Variants in GAREM2 observed in about 807,000 individuals in gnomAD.
The protein encoded by GAREM2 is GRB2-associated and regulator of MAPK protein 2.
A neutral mutation model predicts 55.6 loss-of-function variants in GAREM2; 30 were observed. The ratio of observed to expected loss-of-function variants is 0.54; its 90% confidence interval spans 0.40 to 0.73. The LOEUF is 0.73. Among genes scored for constraint, GAREM2 ranks in the 30% least tolerant of loss-of-function variants. The pLI is 0.00. For synonymous variants in GAREM2, 550 were observed against 569.1 expected, an observed-to-expected ratio of 0.97 and a Z score of 0.48; for missense variants, 1,075 against 1,257.7, an observed-to-expected ratio of 0.85 and a Z score of 2.20.
the GAREM2 span, among the ~76,000 whole-genome samples, chr2:26,198,417 C>T: frequency 6.6e-6 from 1 of 150,874 alleles, no homozygotes; most frequent in Non-Finnish European, 1.5e-5. Flanking sequence ...GCTCTGTTGC[C>T]CAGGCTGGAG....
chr2:26,184,390 C>CCGGGG lies in GAREM2; in HGVS notation c.545_549dup (p.Leu184GlyfsTer38). On this transcript the variant is annotated frameshift_variant, in exon 4 of 6. Transcript: ENST00000401533. LOFTEE classifies it high-confidence loss of function. ...ACCCTCCTGCGAAAGCTGGGCCGGG[C>CCGGGG]CGGGGCGCTGGCCGGGGTGGGCGGC... 6.5e-7 allele frequency: 1 copy of CCGGGG among 1,529,410 alleles called. No homozygotes were observed. Among genetic ancestry groups the CCGGGG allele is most frequent in the Non-Finnish European group, 8.8e-7 (1 of 1,136,248 alleles). 94.7% of individuals were successfully genotyped at this position (1,529,410 alleles called of 1,614,324 possible). A position where few individuals can be genotyped will look rare whatever the true frequency, so the allele number is the denominator to read the frequency against.
chr2:26,197,943 T>C, the GAREM2 span, among the ~76,000 whole-genome samples: 10 of 152,188 alleles, frequency 6.6e-5, no homozygotes, highest in Admixed American at 2.0e-4. Context: ...CTAGGGGGTT[T>C]TGTGTCGGGG....
the GAREM2 span, among the ~76,000 whole-genome samples, chr2:26,199,545 C>T: frequency 6.6e-6 from 1 of 152,080 alleles, no homozygotes; most frequent in African/African-American, 2.4e-5. Flanking sequence ...TCTTCCCTTC[C>T]TTGGACATGT....
At chr2:26,202,844 A>G in the GAREM2 span, among the ~76,000 whole-genome samples, 1 of 152,258 alleles carries the variant, frequency 6.6e-6, no homozygotes, top group South Asian at 2.1e-4. Context: ...TCAGCATTCA[A>G]AACATTATCA....
At chr2:26,201,199 C>T in the GAREM2 span, 1 of 1,614,036 alleles carries the variant, frequency 6.2e-7, no homozygotes, top group East Asian at 2.2e-5. Flanking sequence ...TCCTCAAACA[C>T]AGCTTCAATC....
the GAREM2 span, among the ~76,000 whole-genome samples, chr2:26,196,005 C>T: frequency 6.6e-6 from 1 of 152,226 alleles, no homozygotes; most frequent in Non-Finnish European, 1.5e-5. Context: ...GTTTTGCTTT[C>T]TCCCTCTCAC....
At chr2:26,174,732 A>G (rs1383945438) in intron 1 of GAREM2, among the ~76,000 whole-genome samples, 2 of 152,202 alleles carry the variant, frequency 1.3e-5, no homozygotes, top group African/African-American at 4.8e-5. Context: ...TCTGGTCAGA[A>G]TTGTATGGCT....
In GAREM2 at chr2:26,185,174, C is replaced by CCGGCCGCCCCCAGGGCT; in HGVS notation, c.1329_1345dup (p.Asp449GlyfsTer35). On this transcript the variant is annotated frameshift_variant, in exon 4 of 6. Coordinates refer to ENST00000401533, the MANE Select transcript of GAREM2 (RefSeq NM_001168241.2). LOFTEE classifies it high-confidence loss of function. Reference sequence around the variant, plus strand: ...CGCACCAGGGGCCCGAGGGCCTCGTCCGGCCGCCCCCAGGGCTCGATCTCA... The same window carrying CCGGCCGCCCCCAGGGCT: ...CGCACCAGGGGCCCGAGGGCCTCGTCCGGCCGCCCCCAGGGCTCGGCCGCCCCCAGGGCTCGATCTCA... 6.6e-7 allele frequency: 1 copy of CCGGCCGCCCCCAGGGCT among 1,508,166 alleles called. No individual in the cohort carries two copies. 93.4% of individuals were successfully genotyped at this position (1,508,166 alleles called of 1,614,324 possible). A position where few individuals can be genotyped will look rare whatever the true frequency, so the allele number is the denominator to read the frequency against.
At position 26,188,364 on chromosome 2, in the gene GAREM2, G is replaced by T. The variant is rs72849148; in HGVS notation, c.*107G>T. ...CAAGAAGGATCTATGTCGAGACTGA[G>T]GCTGCTCAGCAGCCACTGGGTGGAT... On this transcript the variant is annotated 3_prime_UTR_variant, in exon 6 of 6. Transcript: ENST00000401533. 6.8e-6 allele frequency: 6 copies of T among 886,256 alleles called. No homozygotes were observed. Among genetic ancestry groups the T allele is most frequent in the Non-Finnish European group, 9.7e-6 (6 of 615,976 alleles). 54.9% of individuals were successfully genotyped at this position (886,256 alleles called of 1,614,324 possible). A position where few individuals can be genotyped will look rare whatever the true frequency, so the allele number is the denominator to read the frequency against.
Position 26,184,216 on chromosome 2 carries a change from G to A in GAREM2, c.385-17G>A. 6.5e-7 allele frequency: 1 copy of A among 1,548,694 alleles called. No homozygotes were observed. The highest frequency in any genetic ancestry group is 8.7e-7 in the Non-Finnish European group (1 of 1,145,190). ...TGGGACCTGGCTAAGGCCCTGCCCT[G>A]TCTCTGGGATCCCCAGGTGGTGTCG... On this transcript the variant is annotated splice_polypyrimidine_tract_variant and intron_variant, in intron 3 of 5. Coordinates refer to ENST00000401533, the MANE Select transcript of GAREM2 (RefSeq NM_001168241.2).
rs974862078 is a variant in GAREM2 at position 26,188,185 on chromosome 2, T to C, written c.2553T>C (p.Asp851=). The change falls in exon 6 of 6, where the codon GAT becomes GAC. Residue 851 remains aspartate, a synonymous_variant. Coordinates refer to ENST00000401533, the MANE Select transcript of GAREM2 (RefSeq NM_001168241.2). ...FVQLSEDILA[D]DFHLTKLQVK... is the part of the protein sequence containing the mutation. ...AGCTCAGTGAGGACATCCTGGCAGATGACTTCCACCTCACCAAGCTGCAGG... is the reference window on the plus strand; with the variant it reads ...AGCTCAGTGAGGACATCCTGGCAGACGACTTCCACCTCACCAAGCTGCAGG... 3.2e-6 allele frequency: 5 copies of C among 1,545,710 alleles called. No individual in the cohort carries two copies. The highest frequency in any genetic ancestry group is 4.4e-6 in the Non-Finnish European group (5 of 1,143,546).
Position 26,185,108 on chromosome 2 carries a change from C to T in GAREM2, c.1260C>T (p.Pro420=), listed in dbSNP as rs764641979. ...VSPDWAAAPE[P]AAPPAEIPYE... ...CCGACTGGGCAGCCGCGCCCGAGCCCGCCGCGCCGCCCGCCGAGATCCCCT... is the reference window on the plus strand; with the variant it reads ...CCGACTGGGCAGCCGCGCCCGAGCCTGCCGCGCCGCCCGCCGAGATCCCCT... Residue 420 remains proline, a synonymous_variant, in exon 4 of 6, where the codon CCC becomes CCT. Transcript: ENST00000401533. 2.1e-6 allele frequency: 3 copies of T among 1,443,610 alleles called. No individual in the cohort carries two copies. The highest frequency in any genetic ancestry group is 2.7e-5 in the South Asian group (2 of 73,294). 89.4% of individuals were successfully genotyped at this position (1,443,610 alleles called of 1,614,324 possible).
chr2:26,193,714 C>T (rs764942632), downstream of GAREM2: 5 of 1,613,970 alleles, frequency 3.1e-6, no homozygotes, highest in Non-Finnish European at 4.2e-6. Flanking sequence ...TGTGGCGGCA[C>T]CCACAGGAAA....
At chr2:26,178,222 A>G (rs1558304973) in intron 2 of GAREM2, among the ~76,000 whole-genome samples, 1 of 152,200 alleles carries the variant, frequency 6.6e-6, no homozygotes, top group African/African-American at 2.4e-5. Context: ...TGCTCAAGCT[A>G]GAAATTTCCA....
intron 5 of GAREM2, among the ~76,000 whole-genome samples, chr2:26,186,875 T>G (rs1036450602): frequency 1.3e-5 from 2 of 152,114 alleles, no homozygotes; most frequent in African/African-American, 4.8e-5. Flanking sequence ...CTCGGGAAGC[T>G]GAGGCAGGAG....
At position 26,187,290 on chromosome 2, in the gene GAREM2, A is replaced by G; in HGVS notation, c.1658A>G (p.Tyr553Cys). The change falls in exon 6 of 6, where the codon TAC becomes TGC. Residue 553 changes from tyrosine (Y) to cysteine (C), a missense_variant. By Grantham distance (194) the Tyr-to-Cys change is radical. Around this residue, in one of 6 missense-constraint regions of GAREM2, gnomAD observed 515 missense variants for 501.5 expected, o/e 1.03. Transcript: ENST00000401533. ...PSPDTYSLYCYPCTWGDCKVG... is the reference protein window; with the variant it reads ...PSPDTYSLYCCPCTWGDCKVG... ...CCGGACACCTACTCCCTCTATTGCT[A>G]CCCATGCACCTGGGGAGACTGCAAG... The G allele has an allele frequency of 6.7e-7, 1 of 1,485,204 alleles. No individual in the cohort carries two copies. The highest frequency in any genetic ancestry group is 1.4e-5 in the African/African-American group (1 of 70,682). The allele number at this position is 1,485,204 out of a possible 1,614,324, so 92.0% of individuals were successfully genotyped here.
chr2:26,185,159 G>T lies in GAREM2; in HGVS notation c.1311G>T (p.Gly437=), dbSNP rs1366300384. The T allele has an allele frequency of 4.0e-6, 6 of 1,505,008 alleles. No homozygotes were observed. The highest frequency in any genetic ancestry group is 5.3e-6 in the Non-Finnish European group (6 of 1,134,320). 93.2% of individuals were successfully genotyped at this position (1,505,008 alleles called of 1,614,324 possible). The change falls in exon 4 of 6, where the codon GGG becomes GGT. Residue 437 remains glycine (G), a synonymous_variant. Coordinates refer to ENST00000401533, the MANE Select transcript of GAREM2 (RefSeq NM_001168241.2). Reference sequence around the variant, plus strand: ...ACGAGGAGTTGTGGGCGCACCAGGGGCCCGAGGGCCTCGTCCGGCCGCCCC... The same window carrying T: ...ACGAGGAGTTGTGGGCGCACCAGGGTCCCGAGGGCCTCGTCCGGCCGCCCC... ...IPYEELWAHQ[G]PEGLVRPPPG...
the GAREM2 span, chr2:26,197,599 T>C: frequency 1.3e-6 from 1 of 775,806 alleles, no homozygotes; most frequent in Non-Finnish European, 2.4e-6. Context: ...CACTCCGTAA[T>C]CCACTGTCTC....
At chr2:26,185,868 C>A (rs1669235654) in intron 4 of GAREM2, among the ~76,000 whole-genome samples, 2 of 152,192 alleles carry the variant, frequency 1.3e-5, no homozygotes. Flanking sequence ...GCTTTCTCTC[C>A]TTTTCCTTGA....
Sources: allele counts gnomAD v4.1 joint callset (sites outside exome capture counted in the v4.1 genomes callset), GRCh38; gene constraint gnomAD v4.1.1; regional missense constraint gnomAD v4.1.1; transcripts MANE v1.5; gene names NCBI Gene and HGNC (gene_info 2026-07-23, HGNC 2026-07-21).